Variants in RARG observed in about 807,000 individuals in gnomAD.
The protein encoded by RARG is retinoic acid receptor gamma.
Under a neutral mutation model 43.7 loss-of-function variants are expected in RARG, and 17 were observed. That is an observed-to-expected ratio of 0.39 (90% CI 0.27 to 0.58). The LOEUF is 0.58. Ranked by LOEUF, RARG falls within the 20% of genes least tolerant of loss-of-function variation. The pLI, the probability that RARG is intolerant of heterozygous loss-of-function variation, is 0.57. For synonymous variants in RARG, 238 were observed against 236.4 expected (o/e 1.01, Z -0.06); for missense variants, 346 against 598.7 (o/e 0.58, Z 4.40).
Position 53,211,474 on chromosome 12 carries a change from C to T in RARG, c.*202G>A, listed in dbSNP as rs958474444. The T allele has an allele frequency of 6.5e-6, 3 of 464,988 alleles. No individual in the cohort carries two copies. Among genetic ancestry groups the T allele is most frequent in the Non-Finnish European group, 1.1e-5 (3 of 272,112 alleles). The allele number at this position is 464,988 out of a possible 1,614,324, so 28.8% of individuals were successfully genotyped here. ...TCCTGGTGGGAGCAGGGCAGGCCCC[C>T]GGGACTGGCGAGGGAGCCGGTTAGA... On this transcript the variant is annotated 3_prime_UTR_variant, in exon 10 of 10. Transcript: ENST00000425354. The surrounding 1 kb of genome is among the most constrained non-coding windows in gnomAD (Gnocchi z 4.6).
In RARG at chr12:53,227,387, G is replaced by T. The variant is rs1285968095; in HGVS notation, c.159C>A (p.Asp53Glu). The stretch of plus-strand genomic sequence containing the variant: ...ACAGAGAGGCCATCTCCTTGGGGAG[G>T]TCAGGCTGGCCCAGGCCCCGGAAGC... ...SPSFRGLGQP[D>E]LPKEMASLSV... is the part of the protein sequence containing the mutation. Residue 53 changes from aspartate to glutamate, a missense_variant, in exon 3 of 10, where the codon GAC (aspartate) becomes GAA (glutamate). Physicochemically the swap from Asp to Glu is conservative, Grantham distance 45. Transcript: ENST00000425354. The surrounding 1 kb of genome is among the most constrained non-coding windows in gnomAD (Gnocchi z 4.3). The T allele has an allele frequency of 3.1e-6, 5 of 1,593,178 alleles. No individual in the cohort carries two copies. The Admixed American group carries it at 8.9e-5, about 28-fold the overall frequency.
intron 3 of RARG, among the ~76,000 whole-genome samples, chr12:53,220,981 G>C (rs1256803034): frequency 6.6e-6 from 1 of 151,766 alleles, no homozygotes; most frequent in Non-Finnish European, 1.5e-5. Context: ...CCTGCGGCTC[G>C]GCGCGCGCTG....
intron 3 of RARG, among the ~76,000 whole-genome samples, chr12:53,218,920 C>T (rs1417944198): frequency 6.6e-6 from 1 of 151,838 alleles, no homozygotes; most frequent in Non-Finnish European, 1.5e-5. Flanking sequence ...TTCCAGGCTG[C>T]GCTCCTGGCC....
At chr12:53,212,753 C>G (rs966343316) in intron 9 of RARG, among the ~76,000 whole-genome samples, 1 of 150,780 alleles carries the variant, frequency 6.6e-6, no homozygotes, top group Non-Finnish European at 1.5e-5. Context: ...CACACACACA[C>G]ACACACACAC....
chr12:53,224,119 GCACACACACGTACA>G (rs1440869762), intron 3 of RARG, among the ~76,000 whole-genome samples: 1 of 152,052 alleles, frequency 6.6e-6, no homozygotes, highest in East Asian at 1.9e-4. Flanking sequence ...ACACACGCAC[GCACACACACGTACA>G]CACACCCCTC....
chr12:53,214,872 G>T, intron 5 of RARG: 1 of 457,094 alleles, frequency 2.2e-6, no homozygotes, highest in Non-Finnish European at 3.9e-6. Flanking sequence ...CAGGAGCTGG[G>T]GGAGGGGGGG....
At chr12:53,225,301 C>T (rs1943080042) in intron 3 of RARG, among the ~76,000 whole-genome samples, 1 of 152,222 alleles carries the variant, frequency 6.6e-6, no homozygotes, top group Admixed American at 6.5e-5. Context: ...CCAGCCACAG[C>T]GTCAGCAGCA....
At chr12:53,220,147 C>T (rs1320266203) in intron 3 of RARG, 2 of 1,550,182 alleles carry the variant, frequency 1.3e-6, no homozygotes, top group Non-Finnish European at 1.7e-6. Flanking sequence ...CACCAAGGAC[C>T]CGCAGCCGAT....
intron 3 of RARG, chr12:53,220,284 G>C: frequency 1.5e-6 from 2 of 1,317,192 alleles, no homozygotes; most frequent in Non-Finnish European, 2.0e-6. Context: ...AGGGGAAAGG[G>C]ACTGGGCGGG....
In RARG at chr12:53,227,762, A is replaced by C; in HGVS notation, c.-142-75T>G. 9.3e-7 allele frequency: 1 copy of C among 1,071,456 alleles called. No homozygotes were observed. The highest frequency in any genetic ancestry group is 1.2e-6 in the Non-Finnish European group (1 of 827,668). The allele number at this position is 1,071,456 out of a possible 1,614,324, so 66.4% of individuals were successfully genotyped here. A position where few individuals can be genotyped will look rare whatever the true frequency, so the allele number is the denominator to read the frequency against. On this transcript the variant is annotated intron_variant, in intron 2 of 9. Transcript: ENST00000425354. This position sits in a 1 kb window ranked among gnomAD's most constrained non-coding sequence, Gnocchi z 4.3. Reference sequence around the variant, plus strand: ...GTTCCAAGCCCTGTGACCCTCTCTCAGTTGCAGTCTTCTCCCTCTGTGCTG... The same window carrying C: ...GTTCCAAGCCCTGTGACCCTCTCTCCGTTGCAGTCTTCTCCCTCTGTGCTG...
intron 3 of RARG, among the ~76,000 whole-genome samples, chr12:53,222,204 G>T (rs183308797): frequency 1.8e-4 from 21 of 119,964 alleles, no homozygotes; most frequent in Non-Finnish European, 6.6e-5. Context: ...CCAGTCACCC[G>T]AACCCCACAA....
At position 53,213,428 on chromosome 12, in the gene RARG, C is replaced by G. The variant is rs1030996164; in HGVS notation, c.1018+68G>C. ...TGGGTCCTCCACGCCCCCTCCCAGA[C>G]AGATTCCGCATGGAGTGGTGGGAAA... On this transcript the variant is annotated intron_variant, in intron 8 of 9. Transcript: ENST00000425354. The surrounding 1 kb of genome is among the most constrained non-coding windows in gnomAD (Gnocchi z 4.7). 6.4e-7 allele frequency: 1 copy of G among 1,561,700 alleles called. No homozygotes were observed. The highest frequency in any genetic ancestry group is 1.4e-5 in the African/African-American group (1 of 73,794).
chr12:53,221,319 G>A (rs1203469759), intron 3 of RARG, among the ~76,000 whole-genome samples: 1 of 152,076 alleles, frequency 6.6e-6, no homozygotes, highest in East Asian at 1.9e-4. Flanking sequence ...CTCCTTCTTC[G>A]AACATAACTT....
At chr12:53,230,785 G>A (rs974713192) in intron 2 of RARG, among the ~76,000 whole-genome samples, 14 of 151,860 alleles carry the variant, frequency 9.2e-5, no homozygotes, top group Non-Finnish European at 2.1e-4. Flanking sequence ...GGGTGTGCCG[G>A]GGTGTGGGGG....
Position 53,213,307 on chromosome 12 carries a change from T to C in RARG, c.1019-64A>G. ...GAGATGGGGAAGACACAGTGACAGA[T>C]GGCTGATCACCAACCGGCGTTTTGG... On this transcript the variant is annotated intron_variant, in intron 8 of 9. Coordinates refer to ENST00000425354, the MANE Select transcript of RARG (RefSeq NM_000966.6). The surrounding 1 kb of genome is among the most constrained non-coding windows in gnomAD (Gnocchi z 4.7). The C allele has an allele frequency of 1.3e-6, 2 of 1,503,754 alleles. No individual in the cohort carries two copies. Among genetic ancestry groups the C allele is most frequent in the Non-Finnish European group, 1.8e-6 (2 of 1,090,006 alleles). 93.2% of individuals were successfully genotyped at this position (1,503,754 alleles called of 1,614,324 possible).
Position 53,215,601 on chromosome 12 carries a change from A to AG in RARG, c.333+44dup, listed in dbSNP as rs1411252259. The AG allele has an allele frequency of 3.1e-5, 50 of 1,594,780 alleles. No individual in the cohort carries two copies. Among genetic ancestry groups the AG allele is most frequent in the Non-Finnish European group, 3.9e-5 (45 of 1,168,414 alleles). On this transcript the variant is annotated intron_variant, in intron 4 of 9. Coordinates refer to ENST00000425354, the MANE Select transcript of RARG (RefSeq NM_000966.6). This position sits in a 1 kb window ranked among gnomAD's most constrained non-coding sequence, Gnocchi z 6.4. ...TGTGTGCCTGGTCTCTCATCTTACT[A>AG]GGGTAACTGGATCCCCCGTCTGCCC...
chr12:53,216,841 T>TGTGTGTGTGTGC (rs1430491578), intron 3 of RARG, among the ~76,000 whole-genome samples: 147 of 129,418 alleles, frequency 1.1e-3, no homozygotes, highest in African/African-American at 4.5e-3. Context: ...TGTGTGTGTG[T>TGTGTGTGTGTGC]GCGCGCGCGC....
At chr12:53,221,860 A>T (rs1269435556) in intron 3 of RARG, among the ~76,000 whole-genome samples, 1 of 151,184 alleles carries the variant, frequency 6.6e-6, no homozygotes, top group Non-Finnish European at 1.5e-5. Context: ...TTCCCCCGCC[A>T]GGCGGCTGTG....
At chr12:53,230,519 C>T (rs1173527146) in intron 2 of RARG, among the ~76,000 whole-genome samples, 1 of 152,286 alleles carries the variant, frequency 6.6e-6, no homozygotes, top group African/African-American at 2.4e-5. Flanking sequence ...GGGCCCCCAG[C>T]CTGCTCCCCA....
Sources: gnomAD v4.1 joint callset for allele counts (sites outside exome capture counted in the v4.1 genomes callset) on GRCh38, gnomAD v4.1.1 for gene constraint, Gnocchi (gnomAD v3.1) non-coding constraint, MANE v1.5 for transcripts, NCBI Gene and HGNC (gene_info 2026-07-23, HGNC 2026-07-21) for gene names.